RNASEH2B: variants seen among roughly 807,000 people sequenced by gnomAD.
The protein encoded by RNASEH2B is Aicardi-Goutieres syndrome 2 protein.
Under a neutral mutation model 45.0 loss-of-function variants are expected in RNASEH2B, and 36 were observed. The ratio of observed to expected loss-of-function variants is 0.80; its 90% CI spans 0.61 to 1.06. The LOEUF is 1.06. RNASEH2B is among the 50% of genes least tolerant of loss of function. The pLI is 0.00. For synonymous variants in RNASEH2B, 119 were observed against 125.7 expected, an observed-to-expected ratio of 0.95 and a Z score of 0.35; for missense variants, 361 against 360.3, an observed-to-expected ratio of 1.00 and a Z score of -0.02.
At chr13:50,943,222 T>G in intron 5 of RNASEH2B, 99 bp from the exon 6 acceptor site, 1 of 764,754 alleles carries the variant, frequency 1.3e-6, no homozygotes, top group Middle Eastern at 3.7e-4. Context: ...GAATTTAAAC[T>G]TACAAAATAT....
At chr13:50,947,727 G>T (rs1951921719) in intron 7 of RNASEH2B, among the ~76,000 whole-genome samples, 1 of 151,942 alleles carries the variant, frequency 6.6e-6, no homozygotes, top group Non-Finnish European at 1.5e-5. Context: ...CATTTAGGGA[G>T]CATCTACTGT....
intron 1 of RNASEH2B, chr13:50,912,643 T>C (rs1879490465): frequency 6.6e-6 from 1 of 152,246 alleles, no homozygotes; most frequent in Admixed American, 6.5e-5. Context: ...GGAAACGATA[T>C]GCCCTTGGCT....
At chr13:50,920,967 G>T (rs1472193272) in intron 1 of RNASEH2B, among the ~76,000 whole-genome samples, 1 of 152,116 alleles carries the variant, frequency 6.6e-6, no homozygotes, top group Non-Finnish European at 1.5e-5. Context: ...AAGACTAATT[G>T]TTAAGCCGTT....
At chr13:50,944,335 C>A (rs1021581744) in intron 6 of RNASEH2B, among the ~76,000 whole-genome samples, 2 of 152,130 alleles carry the variant, frequency 1.3e-5, no homozygotes, top group African/African-American at 4.8e-5. Context: ...CTAAGATTCT[C>A]TTCCATCTTT....
chr13:50,921,446 G>A (rs1441840911), intron 1 of RNASEH2B: 4 of 152,134 alleles, frequency 2.6e-5, no homozygotes, highest in Admixed American at 2.6e-4. Flanking sequence ...CTTCACCTGT[G>A]CTAGATGCAA....
intron 4 of RNASEH2B, among the ~76,000 whole-genome samples, chr13:50,932,165 C>T (rs1258947628): frequency 6.6e-6 from 1 of 152,194 alleles, no homozygotes; most frequent in African/African-American, 2.4e-5. Context: ...CGTTCATATT[C>T]TGCCTAATAC....
chr13:50,934,993 GAAA>G lies in RNASEH2B; in HGVS notation c.433_435del (p.Lys145del). The G allele has an allele frequency of 6.2e-7, 1 of 1,605,832 alleles. No individual in the cohort carries two copies. Among genetic ancestry groups the G allele is most frequent in the Non-Finnish European group, 8.5e-7 (1 of 1,172,572 alleles). ...GAAGTTACTTCATCATGTGACAGAG[GAAA>G]AAGGTATGGTATAACTTAAAGGCTT... On this transcript the variant is annotated inframe_deletion, in exon 5 of 11. Transcript: ENST00000336617.
intron 1 of RNASEH2B, among the ~76,000 whole-genome samples, chr13:50,914,808 A>C (rs1047480805): frequency 3.9e-5 from 6 of 152,224 alleles, no homozygotes; most frequent in African/African-American, 1.4e-4. Flanking sequence ...AAAAAAATTC[A>C]TAAAAGGAAA....
intron 1 of RNASEH2B, among the ~76,000 whole-genome samples, chr13:50,926,771 C>A (rs936805366): frequency 6.6e-6 from 1 of 150,756 alleles, no homozygotes; most frequent in African/African-American, 2.4e-5. Flanking sequence ...TGGCAAAAAT[C>A]ATTATAAGCA....
intron 10 of RNASEH2B, 60 bp from the exon 11 acceptor site, chr13:50,956,298 C>T: frequency 7.5e-7 from 1 of 1,340,520 alleles, no homozygotes; most frequent in Non-Finnish European, 1.0e-6. Flanking sequence ...CTTTGATTTC[C>T]ATATATGATT....
chr13:50,946,780 G>A (rs1951905384), intron 7 of RNASEH2B, among the ~76,000 whole-genome samples: 1 of 152,108 alleles, frequency 6.6e-6, no homozygotes, highest in Non-Finnish European at 1.5e-5. Context: ...TGACCATAAA[G>A]TAAACTTTAC....
Position 50,943,340 on chromosome 13 carries a change from C to G in RNASEH2B, c.456C>G (p.Asn152Lys). 1 of 1,597,652 alleles carries G rather than the reference C, an allele frequency of 6.3e-7. No homozygotes were observed. Among genetic ancestry groups the G allele is most frequent in the Non-Finnish European group, 8.6e-7 (1 of 1,167,048 alleles). The change falls in exon 6 of 11, where the codon AAC (asparagine) becomes AAG (lysine). Residue 152 changes from asparagine (N) to lysine (K), a missense_variant. By Grantham distance (94) the Asn-to-Lys change is moderately conservative. Transcript: ENST00000336617. Reference sequence around the variant, plus strand: ...TTTAAGGTAATCCAGAAATAGACAACAAGAAATATTACAAGTACAGCAAAG... The same window carrying G: ...TTTAAGGTAATCCAGAAATAGACAAGAAGAAATATTACAAGTACAGCAAAG... The part of the protein sequence containing the change: ...TEEKGNPEID[N>K]KKYYKYSKEK...
intron 9 of RNASEH2B, among the ~76,000 whole-genome samples, chr13:50,949,746 C>T (rs1951953444): frequency 6.6e-6 from 1 of 152,062 alleles, no homozygotes; most frequent in Admixed American, 6.6e-5. Flanking sequence ...TAGCAAGGTA[C>T]CCCTGTGAAA....
chr13:50,956,584 A>C lies in RNASEH2B; in HGVS notation c.*110A>C, dbSNP rs761886682. 6.6e-7 allele frequency: 1 copy of C among 1,511,996 alleles called. No individual in the cohort carries two copies. Among genetic ancestry groups the C allele is most frequent in the Non-Finnish European group, 8.9e-7 (1 of 1,128,168 alleles). 93.7% of individuals were successfully genotyped at this position (1,511,996 alleles called of 1,614,324 possible). On this transcript the variant is annotated 3_prime_UTR_variant, in exon 11 of 11. Coordinates refer to ENST00000336617, the MANE Select transcript of RNASEH2B (RefSeq NM_024570.4). ...TTGGGGGAAGGAAGAGGCCAATTTC[A>C]TGTTCTCTTAAACATTTCTTTGCAT...
intron 1 of RNASEH2B, 90 bp downstream of exon 1, chr13:50,910,230 TC>T: frequency 1.1e-6 from 1 of 903,804 alleles, no homozygotes; most frequent in Non-Finnish European, 1.5e-6. Context: ...CCCCGGTGGC[TC>T]CCACTACCCG....
chr13:50,968,093 A>C (rs1952183115), intron 9 of RNASEH2B, among the ~76,000 whole-genome samples: 1 of 152,210 alleles, frequency 6.6e-6, no homozygotes, highest in African/African-American at 2.4e-5. Flanking sequence ...GTATTTTTAC[A>C]GTTCTCACAG....
In RNASEH2B at chr13:50,910,069, C is replaced by T. The variant is rs1167542111; in HGVS notation, c.-8C>T. ...TGAGCCTGCGGCGCCCCGGAAGAGGCGGGCGGCATGGCCGCTGGCGTGGAC... is the reference window on the plus strand; with the variant it reads ...TGAGCCTGCGGCGCCCCGGAAGAGGTGGGCGGCATGGCCGCTGGCGTGGAC... On this transcript the variant is annotated 5_prime_UTR_variant, in exon 1 of 11. Coordinates refer to ENST00000336617, the MANE Select transcript of RNASEH2B (RefSeq NM_024570.4). The T allele has an allele frequency of 7.5e-6, 11 of 1,461,662 alleles. 1 individual carries two copies. In the Admixed American group the frequency reaches 2.1e-4, roughly 28 times the overall value. The allele number at this position is 1,461,662 out of a possible 1,614,324, so 90.5% of individuals were successfully genotyped here.
At chr13:50,927,714 A>C (rs185470071) in intron 2 of RNASEH2B, among the ~76,000 whole-genome samples, 346 of 152,348 alleles carry the variant, frequency 2.3e-3, no homozygotes, top group African/African-American at 7.6e-3. Flanking sequence ...AGCCATCAGA[A>C]ATACGGGCAA....
At chr13:50,945,638 T>C in intron 7 of RNASEH2B, 106 bp downstream of exon 7, 1 of 750,334 alleles carries the variant, frequency 1.3e-6, no homozygotes, top group Non-Finnish European at 2.4e-6. Flanking sequence ...AAGCCTCATA[T>C]TCCTACCAAT....
Sources: allele counts gnomAD v4.1 joint callset (sites outside exome capture counted in the v4.1 genomes callset), GRCh38; gene constraint gnomAD v4.1.1; transcripts MANE v1.5; gene names NCBI Gene and HGNC (gene_info 2026-07-23, HGNC 2026-07-21).